Variants in SYNE1 observed in about 807,000 individuals in gnomAD.
SYNE1 encodes the protein spectrin repeat containing nuclear envelope protein 1.
SYNE1 carries 616 observed loss-of-function variants against 1,111.0 expected under a neutral mutation model. The ratio of observed to expected loss-of-function variants is 0.55; its 90% confidence interval spans 0.52 to 0.59. The LOEUF (loss-of-function observed/expected upper bound fraction) is 0.59, where lower values mean the gene tolerates loss of function less well. Among genes scored for constraint, SYNE1 ranks in the 20% least tolerant of loss-of-function variants. SYNE1 has a pLI of 0.00. For missense variants in SYNE1, 10,006 were observed against 10,417.0 expected, an observed-to-expected ratio of 0.96 and a Z score of 1.72; for synonymous variants, 3,855 against 3,825.8, an observed-to-expected ratio of 1.01 and a Z score of -0.28.
intron 90 of SYNE1, 152 bp downstream of exon 90, chr6:152,309,683 A>AC: frequency 1.1e-6 from 1 of 950,820 alleles, no homozygotes; most frequent in Non-Finnish European, 1.6e-6. Context: ...TCCAAATGAC[A>AC]GCATTTTAAT....
At chr6:152,565,566 T>C (rs1321425854) in intron 3 of SYNE1, among the ~76,000 whole-genome samples, 1 of 152,142 alleles carries the variant, frequency 6.6e-6, no homozygotes, top group African/African-American at 2.4e-5. Flanking sequence ...TTCTTGAAAT[T>C]CTCATTTGGT....
intron 98 of SYNE1, among the ~76,000 whole-genome samples, chr6:152,269,690 G>A (rs118046664): frequency 2.0e-5 from 3 of 152,180 alleles, no homozygotes; most frequent in East Asian, 1.9e-4. Flanking sequence ...TGTCTCTCCC[G>A]TGAAAGCATT....
intron 95 of SYNE1, 69 bp from the exon 96 acceptor site, chr6:152,284,241 G>T: frequency 6.7e-7 from 1 of 1,501,530 alleles, no homozygotes; most frequent in Non-Finnish European, 9.2e-7. Context: ...AGCACTAGCT[G>T]AGTCTCACAT....
chr6:152,556,240 C>T (rs1327607536), intron 3 of SYNE1, among the ~76,000 whole-genome samples: 1 of 152,158 alleles, frequency 6.6e-6, no homozygotes, highest in African/African-American at 2.4e-5. Context: ...TAAACACATA[C>T]ATTGAAGAGG....
At chr6:152,624,874 G>C (rs944868145) in intron 3 of SYNE1, among the ~76,000 whole-genome samples, 6 of 152,150 alleles carry the variant, frequency 3.9e-5, no homozygotes, top group Non-Finnish European at 7.4e-5. Flanking sequence ...AGGAAAAATA[G>C]TCAGCAATTA....
intron 107 of SYNE1, among the ~76,000 whole-genome samples, chr6:152,241,105 T>A (rs1213051987): frequency 6.6e-6 from 1 of 152,236 alleles, no homozygotes; most frequent in Non-Finnish European, 1.5e-5. Flanking sequence ...TAGTTCTTTT[T>A]CTATTGAGGT....
chr6:152,612,490 T>A (rs1296386963), intron 3 of SYNE1, among the ~76,000 whole-genome samples: 1 of 152,120 alleles, frequency 6.6e-6, no homozygotes, highest in Non-Finnish European at 1.5e-5. Context: ...GGCTCTGAAA[T>A]TGAGGCAATA....
At chr6:152,141,372 A>G in intron 138 of SYNE1, 43 bp from the exon 139 acceptor site, 1 of 1,611,614 alleles carries the variant, frequency 6.2e-7, no homozygotes, top group South Asian at 1.1e-5. Flanking sequence ...CCAAATCTTC[A>G]TGAGTGCAAA....
intron 61 of SYNE1, 114 bp downstream of exon 61, chr6:152,368,858 G>T: frequency 7.5e-7 from 1 of 1,331,442 alleles, no homozygotes; most frequent in Non-Finnish European, 1.1e-6. Context: ...CTGCTGACCT[G>T]GAGACCCACA....
intron 3 of SYNE1, among the ~76,000 whole-genome samples, chr6:152,584,237 G>A (rs954985132): frequency 6.6e-6 from 1 of 151,912 alleles, no homozygotes; most frequent in African/African-American, 2.4e-5. Flanking sequence ...TGGCCACAAA[G>A]TTTCAATAAA....
intron 11 of SYNE1, among the ~76,000 whole-genome samples, chr6:152,492,472 C>T (rs2154306681): frequency 1.3e-5 from 2 of 152,340 alleles, no homozygotes; most frequent in Admixed American, 1.3e-4. Context: ...CCTTCTCCCC[C>T]AGGATCTTGC....
chr6:152,440,443 C>A (rs2154224964), intron 32 of SYNE1, among the ~76,000 whole-genome samples: 1 of 152,208 alleles, frequency 6.6e-6, no homozygotes, highest in South Asian at 2.1e-4. Context: ...ACACAGAATT[C>A]CTATTCAGAA....
intron 128 of SYNE1, among the ~76,000 whole-genome samples, chr6:152,181,283 A>C (rs2153189730): frequency 6.6e-6 from 1 of 152,216 alleles, no homozygotes; most frequent in East Asian, 1.9e-4. Flanking sequence ...ATGGTGGCGC[A>C]CACCTGTAAT....
intron 3 of SYNE1, among the ~76,000 whole-genome samples, chr6:152,587,351 G>C (rs1291983585): frequency 2.0e-5 from 3 of 152,128 alleles, no homozygotes; most frequent in Admixed American, 1.3e-4. Context: ...GCTAGCTGCT[G>C]CTCCTTTGAA....
At chr6:152,130,598 T>C in intron 145 of SYNE1, 122 bp downstream of exon 145, 3 of 950,638 alleles carry the variant, frequency 3.2e-6, no homozygotes, top group South Asian at 1.4e-5. Context: ...GGGTGTGGAC[T>C]GAAATGAGTA....
intron 3 of SYNE1, among the ~76,000 whole-genome samples, chr6:152,559,293 G>T (rs1335580963): frequency 5.9e-5 from 9 of 151,712 alleles, no homozygotes; most frequent in African/African-American, 2.2e-4. Flanking sequence ...TAGAGACAGG[G>T]TCTCACTGTG....
intron 3 of SYNE1, among the ~76,000 whole-genome samples, chr6:152,627,667 A>G (rs1176525318): frequency 2.0e-5 from 3 of 152,060 alleles, no homozygotes; most frequent in Non-Finnish European, 4.4e-5. Flanking sequence ...AAAAAAAATC[A>G]AAAGCAGAGA....
intron 81 of SYNE1, among the ~76,000 whole-genome samples, chr6:152,324,154 T>G (rs533823245): frequency 8.7e-4 from 133 of 152,220 alleles, no homozygotes; most frequent in South Asian, 3.1e-3. Flanking sequence ...ATCCCAGCAC[T>G]TTCGGAGGCC....
rs886044232 is a variant in SYNE1, at chr6:152,236,237, G to A, written c.20266C>T (p.Leu6756Phe). Residue 6756 changes from leucine (L) to phenylalanine (F), a missense_variant, in exon 110 of 146, where the codon CTT (leucine) becomes TTT (phenylalanine). Leu to Phe is a conservative substitution (Grantham distance 22). Around this residue, in one of 7 missense-constraint regions of SYNE1, gnomAD observed 2,182 missense variants for 2,287.8 expected, o/e 0.95. Coordinates refer to ENST00000367255, the MANE Select transcript of SYNE1 (RefSeq NM_182961.4). ...LYQVLDDGKRLLISISCSDLE... is the reference protein window; with the variant it reads ...LYQVLDDGKRFLISISCSDLE... ...TCTGAGCAGCTGATGGATATCAGAA[G>A]TCGTTTCCCATCATCTAATACTTGA... 6.2e-7 allele frequency: 1 copy of A among 1,614,122 alleles called. No individual in the cohort carries two copies. Among genetic ancestry groups the A allele is most frequent in the African/African-American group, 1.3e-5 (1 of 75,046 alleles).
Sources: allele counts gnomAD v4.1 joint callset (sites outside exome capture counted in the v4.1 genomes callset), GRCh38; gene constraint gnomAD v4.1.1; regional missense constraint gnomAD v4.1.1; transcripts MANE v1.5; gene names NCBI Gene and HGNC (gene_info 2026-07-23, HGNC 2026-07-21).